The following SAMD3 variants were observed in gnomAD, a reference collection of about 807,000 sequenced individuals.
SAMD3 encodes the protein sterile alpha motif domain containing 3, also known as sterile alpha motif domain-containing protein 3.
In SAMD3, 63 loss-of-function variants were observed where a neutral mutation model predicts 58.5. That is an observed-to-expected ratio of 1.08 (90% confidence interval 0.88 to 1.33). The LOEUF (loss-of-function observed/expected upper bound fraction) is 1.33, where lower values mean the gene tolerates loss of function less well. SAMD3 is among the 40% of genes most tolerant of loss of function. The pLI, the probability that SAMD3 is intolerant of heterozygous loss-of-function variation, is 0.00. For synonymous variants in SAMD3, 220 were observed against 210.3 expected, an observed-to-expected ratio of 1.05 and a Z score of -0.40; for missense variants, 604 against 608.4, an observed-to-expected ratio of 0.99 and a Z score of 0.08.
intron 2 of SAMD3, among the ~76,000 whole-genome samples, chr6:130,270,141 G>A (rs2114934996): frequency 6.6e-6 from 1 of 152,254 alleles, no homozygotes; most frequent in African/African-American, 2.4e-5. Context: ...GCCCAGGCTG[G>A]AGTGCAGTGA....
chr6:130,150,959 G>C (rs1789113904), intron 9 of SAMD3, among the ~76,000 whole-genome samples: 1 of 152,120 alleles, frequency 6.6e-6, no homozygotes, highest in Non-Finnish European at 1.5e-5. Context: ...TGATCTGCCT[G>C]CCTCAGCCTC....
chr6:130,196,329 C>T (rs904570785), intron 5 of SAMD3, among the ~76,000 whole-genome samples: 3 of 152,192 alleles, frequency 2.0e-5, no homozygotes, highest in African/African-American at 7.2e-5. Context: ...GCTGTACTCA[C>T]TCTTTGTTAA....
At chr6:130,199,610 C>A (rs1003413918) in intron 5 of SAMD3, among the ~76,000 whole-genome samples, 25 of 152,132 alleles carry the variant, frequency 1.6e-4, no homozygotes, top group African/African-American at 5.8e-4. Context: ...TGGGAATTAC[C>A]TTCTTTATCT....
chr6:130,170,250 A>G (rs1791119358), intron 8 of SAMD3, among the ~76,000 whole-genome samples: 1 of 152,202 alleles, frequency 6.6e-6, no homozygotes, highest in African/African-American at 2.4e-5. Context: ...CCCTGTGTCC[A>G]TGTTTTCATT....
chr6:130,195,621 C>A (rs968921972), intron 5 of SAMD3, among the ~76,000 whole-genome samples: 5 of 152,150 alleles, frequency 3.3e-5, no homozygotes, highest in African/African-American at 9.7e-5. Context: ...TTGCACCCTT[C>A]ATCCCAGCCT....
intron 1 of SAMD3, among the ~76,000 whole-genome samples, chr6:130,350,312 T>C (rs961229003): frequency 3.3e-5 from 5 of 152,106 alleles, no homozygotes; most frequent in African/African-American, 1.2e-4. Context: ...TGATTGTATA[T>C]CTAGAAAACC....
intron 2 of SAMD3, among the ~76,000 whole-genome samples, chr6:130,288,646 T>C (rs1355159373): frequency 6.6e-6 from 1 of 152,220 alleles, no homozygotes; most frequent in Non-Finnish European, 1.5e-5. Context: ...GGATGGAAAC[T>C]AATGTGGATG....
chr6:130,350,249 G>T (rs1032585222), intron 1 of SAMD3, among the ~76,000 whole-genome samples: 1 of 152,112 alleles, frequency 6.6e-6, no homozygotes, highest in Admixed American at 6.6e-5. Context: ...AAGAAATAAA[G>T]GGCATTCAAT....
chr6:130,350,092 A>C (rs1777604749), intron 1 of SAMD3, among the ~76,000 whole-genome samples: 1 of 152,226 alleles, frequency 6.6e-6, no homozygotes, highest in Non-Finnish European at 1.5e-5. Flanking sequence ...AGAGCTATCT[A>C]TGACAAACCC....
intron 5 of SAMD3, among the ~76,000 whole-genome samples, chr6:130,205,645 A>G (rs570388367): frequency 6.6e-6 from 1 of 152,248 alleles, no homozygotes; most frequent in East Asian, 1.9e-4. Flanking sequence ...TCTATGTGTG[A>G]GGAGCCAAGC....
At chr6:130,221,044 CG>C (rs1210461931) in intron 1 of SAMD3, among the ~76,000 whole-genome samples, 2 of 151,662 alleles carry the variant, frequency 1.3e-5, no homozygotes, top group Non-Finnish European at 2.9e-5. Context: ...TTAGTAGAGA[CG>C]GGGTTTCACT....
intron 5 of SAMD3, among the ~76,000 whole-genome samples, chr6:130,185,392 G>A (rs1188361928): frequency 2.0e-5 from 3 of 151,828 alleles, no homozygotes; most frequent in Admixed American, 1.3e-4. Context: ...GCAGTGGCAC[G>A]ATCTCAGCTC....
chr6:130,363,799 C>T (rs1778053947), intron 1 of SAMD3, among the ~76,000 whole-genome samples: 1 of 152,232 alleles, frequency 6.6e-6, no homozygotes, highest in East Asian at 1.9e-4. Flanking sequence ...CATATAGACA[C>T]AGCAAAAAAT....
At position 130,228,941 on chromosome 6, in the gene SAMD3, T is replaced by G. The variant is rs1171640183; in HGVS notation, c.-187-6128A>C. Among the ~76,000 whole-genome samples, 4 of 152,218 alleles carry G rather than the reference T, an allele frequency of 2.6e-5. No individual in the cohort carries two copies. The East Asian group carries it at 7.7e-4, about 29-fold the overall frequency. ...TACATTATTACAGGTGTTTCTGGTT[T>G]TTATAAACAAAAGCTTGAGCCTTAA... is the stretch of plus-strand genomic sequence containing the variant. On this transcript the variant is annotated intron_variant, in intron 2 of 13. Coordinates refer to the SAMD3 transcript ENST00000368134.
At chr6:130,166,134 G>A (rs1790717704) in intron 8 of SAMD3, among the ~76,000 whole-genome samples, 1 of 152,126 alleles carries the variant, frequency 6.6e-6, no homozygotes, top group South Asian at 2.1e-4. Flanking sequence ...TCCATTCATG[G>A]CACCACAGCC....
At chr6:130,253,494 A>G (rs559944092) in intron 2 of SAMD3, among the ~76,000 whole-genome samples, 1 of 152,278 alleles carries the variant, frequency 6.6e-6, no homozygotes, top group East Asian at 1.9e-4. Context: ...CTTAAAAATC[A>G]TTAACAATGT....
intron 8 of SAMD3, among the ~76,000 whole-genome samples, chr6:130,171,093 C>CTTA (rs200283538): frequency 0.084 from 12,740 of 151,914 alleles, 782 homozygotes; most frequent in African/African-American, 0.17. Flanking sequence ...ATAACTAGCT[C>CTTA]TTATTTTGAG....
At chr6:130,286,898 C>T (rs2114957356) in intron 2 of SAMD3, among the ~76,000 whole-genome samples, 1 of 152,192 alleles carries the variant, frequency 6.6e-6, no homozygotes, top group South Asian at 2.1e-4. Context: ...TTAGTACAGA[C>T]GGGGTTTCAC....
At chr6:130,143,975 G>C (rs1788397641), downstream of SAMD3, 1 of 153,172 alleles carries the variant, frequency 6.5e-6, no homozygotes, top group South Asian at 2.1e-4. Flanking sequence ...GCAATGAGGA[G>C]ACCTCAAAAA....
Sources: allele counts gnomAD v4.1 joint callset (sites outside exome capture counted in the v4.1 genomes callset), GRCh38; gene constraint gnomAD v4.1.1; transcripts MANE v1.5; gene names NCBI Gene and HGNC (gene_info 2026-07-23, HGNC 2026-07-21).